The following CDC37L1 variants were observed in gnomAD, a reference collection of about 807,000 sequenced individuals.
CDC37L1 encodes cell division cycle 37 like 1, HSP90 cochaperone.
Under a neutral mutation model 45.9 loss-of-function variants are expected in CDC37L1, and 32 were observed. The ratio of observed to expected loss-of-function variants is 0.70; its 90% CI spans 0.53 to 0.94. CDC37L1 has a LOEUF of 0.94. Among genes scored for constraint, CDC37L1 ranks in the 40% least tolerant of loss-of-function variants. The pLI is 0.00. For missense variants in CDC37L1, 434 were observed against 405.7 expected (o/e 1.07, Z -0.60); for synonymous variants, 150 against 133.0 (o/e 1.13, Z -0.88).
At chr9:4,695,726 G>T (rs1156428679) in intron 3 of CDC37L1, among the ~76,000 whole-genome samples, 1 of 152,206 alleles carries the variant, frequency 6.6e-6, no homozygotes, top group East Asian at 1.9e-4. Context: ...GCAACTCCTG[G>T]ACTCCACCAT....
intron 2 of CDC37L1, among the ~76,000 whole-genome samples, chr9:4,686,755 G>C (rs921530938): frequency 5.9e-5 from 9 of 152,182 alleles, no homozygotes; most frequent in African/African-American, 2.2e-4. Context: ...AGACTTGAGA[G>C]GACTGGTCTA....
intron 6 of CDC37L1, among the ~76,000 whole-genome samples, chr9:4,705,404 T>A (rs1475202058): frequency 6.6e-6 from 1 of 152,156 alleles, no homozygotes; most frequent in Non-Finnish European, 1.5e-5. Context: ...GTTTTTGAAA[T>A]TGACAAGCAT....
Position 4,688,670 on chromosome 9 carries a change from A to G in CDC37L1, c.508+64A>G, listed in dbSNP as rs1202404934. On this transcript the variant is annotated intron_variant, in intron 3 of 6. Coordinates refer to ENST00000381854, the MANE Select transcript of CDC37L1 (RefSeq NM_017913.4). The stretch of plus-strand genomic sequence containing the variant: ...GGTATCATATGTACATGTGCAAAAA[A>G]TGGATTTATAAAAAGAGAGCCAAAA... 1.3e-5 allele frequency: 14 copies of G among 1,056,030 alleles called. No homozygotes were observed. The East Asian group carries it at 4.3e-4, about 33-fold the overall frequency. 65.4% of individuals were successfully genotyped at this position (1,056,030 alleles called of 1,614,324 possible). A position where few individuals can be genotyped will look rare whatever the true frequency, so the allele number is the denominator to read the frequency against.
intron 4 of CDC37L1, among the ~76,000 whole-genome samples, 160 bp from the exon 5 acceptor site, chr9:4,697,597 A>AT (rs892715137): frequency 5.9e-5 from 9 of 151,452 alleles, no homozygotes; most frequent in African/African-American, 1.9e-4. Flanking sequence ...ACAAATAATA[A>AT]AAAAAAAACT....
At chr9:4,699,122 C>T (rs1032826314) in intron 5 of CDC37L1, among the ~76,000 whole-genome samples, 2 of 152,106 alleles carry the variant, frequency 1.3e-5, no homozygotes, top group African/African-American at 4.8e-5. Flanking sequence ...AAGAGAACTG[C>T]TGCGCTAGAG....
intron 6 of CDC37L1, 132 bp downstream of exon 6, chr9:4,702,160 G>A (rs1221643414): frequency 2.4e-5 from 11 of 453,814 alleles, no homozygotes; most frequent in Non-Finnish European, 4.2e-5. Context: ...GATAACTGTT[G>A]AATCTTACTT....
At position 4,706,091 on chromosome 9, in the gene CDC37L1, CA is replaced by C; in HGVS notation, c.997del (p.Met333Ter). 1 of 1,583,914 alleles carries C rather than the reference CA, an allele frequency of 6.3e-7. No individual in the cohort carries two copies. The highest frequency in any genetic ancestry group is 8.7e-7 in the Non-Finnish European group (1 of 1,152,792). ...SVVHKEDDEP[K>X]MMDTV ...TGGTACATAAAGAAGATGATGAACC[CA>C]AAATGATGGACACTGTATAATTTGG... On this transcript the variant is annotated frameshift_variant, in exon 7 of 7. Coordinates refer to ENST00000381854, the MANE Select transcript of CDC37L1 (RefSeq NM_017913.4). LOFTEE classifies it high-confidence loss of function.
chr9:4,703,536 C>T (rs896604849), intron 6 of CDC37L1, among the ~76,000 whole-genome samples: 1 of 151,954 alleles, frequency 6.6e-6, no homozygotes. Flanking sequence ...AAGAAATAGC[C>T]CATAGGGAAG....
At chr9:4,683,144 T>TTC (rs1841214489) in intron 1 of CDC37L1, among the ~76,000 whole-genome samples, 1 of 145,318 alleles carries the variant, frequency 6.9e-6, no homozygotes, top group South Asian at 2.1e-4. Flanking sequence ...AATATATGAA[T>TTC]ATATATTATA....
chr9:4,699,681 A>G (rs1841379965), intron 5 of CDC37L1, among the ~76,000 whole-genome samples: 1 of 152,210 alleles, frequency 6.6e-6, no homozygotes, highest in Non-Finnish European at 1.5e-5. Flanking sequence ...AGAAGACAAA[A>G]GTTACAATAA....
At chr9:4,696,695 T>G (rs1228250485) in intron 3 of CDC37L1, among the ~76,000 whole-genome samples, 1 of 152,182 alleles carries the variant, frequency 6.6e-6, no homozygotes, top group African/African-American at 2.4e-5. Context: ...ACAACCATTT[T>G]CAAATATGCT....
At chr9:4,702,710 T>C (rs1841410323) in intron 6 of CDC37L1, among the ~76,000 whole-genome samples, 1 of 149,398 alleles carries the variant, frequency 6.7e-6, no homozygotes, top group African/African-American at 2.5e-5. Flanking sequence ...TGAAACCCCG[T>C]CTCTTCTAAA....
At chr9:4,693,867 C>G (rs527761648) in intron 3 of CDC37L1, among the ~76,000 whole-genome samples, 2 of 152,216 alleles carry the variant, frequency 1.3e-5, no homozygotes, top group South Asian at 2.1e-4. Context: ...ATTTTTAGCC[C>G]TATTTTACAG....
In CDC37L1 at chr9:4,707,750, G is replaced by C. The variant is rs1444057756; in HGVS notation, c.*1638G>C. The C allele has an allele frequency of 3.4e-5, 5 of 148,660 alleles. No individual in the cohort carries two copies. The highest frequency in any genetic ancestry group is 1.2e-4 in the African/African-American group (5 of 40,158). 9.2% of individuals were successfully genotyped at this position (148,660 alleles called of 1,614,324 possible). A position where few individuals can be genotyped will look rare whatever the true frequency, so the allele number is the denominator to read the frequency against. On this transcript the variant is annotated 3_prime_UTR_variant, in exon 7 of 7. Coordinates refer to ENST00000381854, the MANE Select transcript of CDC37L1 (RefSeq NM_017913.4). Reference sequence around the variant, plus strand: ...CATTTTTTTCTTTTTGTTCTGTTCTGAAGCAAGCTCTTATTTTTCCCTTTC... The same window carrying C: ...CATTTTTTTCTTTTTGTTCTGTTCTCAAGCAAGCTCTTATTTTTCCCTTTC...
intron 6 of CDC37L1, 72 bp downstream of exon 6, chr9:4,702,100 CTT>C (rs878997521): frequency 8.8e-4 from 464 of 526,998 alleles, no homozygotes; most frequent in South Asian, 1.4e-3. Flanking sequence ...TTGCCCCACT[CTT>C]TTTTTTTTTT....
chr9:4,701,111 C>G (rs997895863), intron 5 of CDC37L1, among the ~76,000 whole-genome samples: 1 of 152,208 alleles, frequency 6.6e-6, no homozygotes, highest in Non-Finnish European at 1.5e-5. Flanking sequence ...TGTTACGCAA[C>G]CTAAAATCCA....
chr9:4,679,935 T>C, intron 1 of CDC37L1, 36 bp downstream of exon 1: 1 of 1,610,464 alleles, frequency 6.2e-7, no homozygotes, highest in Non-Finnish European at 8.5e-7. Context: ...AGGGATGGAG[T>C]GGTGCTGTCG....
At chr9:4,705,906 C>T (rs1045760203) in intron 6 of CDC37L1, 105 bp from the exon 7 acceptor site, 8 of 500,744 alleles carry the variant, frequency 1.6e-5, no homozygotes, top group South Asian at 1.2e-4. Flanking sequence ...TACTACACTG[C>T]AGAGAAATAG....
At chr9:4,700,393 C>T (rs1468164436) in intron 5 of CDC37L1, among the ~76,000 whole-genome samples, 1 of 152,230 alleles carries the variant, frequency 6.6e-6, no homozygotes, top group Non-Finnish European at 1.5e-5. Context: ...AGCTGTCCTC[C>T]TGCCTTAACC....
Sources: allele counts gnomAD v4.1 joint callset (sites outside exome capture counted in the v4.1 genomes callset), GRCh38; gene constraint gnomAD v4.1.1; transcripts MANE v1.5; gene names NCBI Gene and HGNC (gene_info 2026-07-23, HGNC 2026-07-21).